Variants in PLCE1 observed in about 807,000 individuals in gnomAD.
The protein encoded by PLCE1 is 1-phosphatidylinositol 4,5-bisphosphate phosphodiesterase epsilon-1.
A neutral mutation model predicts 242.8 loss-of-function variants in PLCE1; 119 were observed. The observed-to-expected ratio is 0.49, with a 90% CI of 0.42 to 0.57. The LOEUF (loss-of-function observed/expected upper bound fraction) is 0.57, where lower values mean the gene tolerates loss of function less well. PLCE1 is among the 20% of genes least tolerant of loss of function. PLCE1 has a pLI of 0.00. For missense variants in PLCE1, 2,441 were observed against 2,788.8 expected (o/e 0.88, Z 2.81); for synonymous variants, 945 against 1,017.4 (o/e 0.93, Z 1.35).
intron 23 of PLCE1, among the ~76,000 whole-genome samples, chr10:94,297,674 G>A (rs1266789151): frequency 7.2e-6 from 1 of 138,538 alleles, no homozygotes; most frequent in African/African-American, 2.6e-5. Context: ...ATAAAACAAG[G>A]TATGCCTGTA....
At chr10:94,296,365 CAAAAAAA>C (rs35526010) in intron 23 of PLCE1, among the ~76,000 whole-genome samples, 1 of 89,314 alleles carries the variant, frequency 1.1e-5, no homozygotes, top group Non-Finnish European at 2.2e-5. Flanking sequence ...GACTCCATCT[CAAAAAAA>C]AAAAAAAAAA....
intron 5 of PLCE1, among the ~76,000 whole-genome samples, chr10:94,232,352 C>T (rs577416772): frequency 1.3e-5 from 2 of 152,302 alleles, no homozygotes; most frequent in African/African-American, 4.8e-5. Flanking sequence ...CGTTTCACAA[C>T]CCAACCAGTC....
At chr10:94,089,224 A>C in intron 2 of PLCE1, 1 of 1,614,086 alleles carries the variant, frequency 6.2e-7, no homozygotes, top group Non-Finnish European at 8.5e-7. Context: ...CCTCTTAGGC[A>C]GAGAGCCCCA....
chr10:94,161,981 C>T (rs1325902424), intron 3 of PLCE1, among the ~76,000 whole-genome samples: 1 of 152,110 alleles, frequency 6.6e-6, no homozygotes, highest in Non-Finnish European at 1.5e-5. Context: ...TATGTTGAAC[C>T]AGCCTTGCAT....
intron 30 of PLCE1, among the ~76,000 whole-genome samples, chr10:94,323,205 C>T (rs564854185): frequency 3.3e-5 from 5 of 152,296 alleles, no homozygotes; most frequent in Admixed American, 3.3e-4. Flanking sequence ...CTCTAAATCA[C>T]GCTTCTCTGA....
At position 94,306,417 on chromosome 10, in the gene PLCE1, C is replaced by T; in HGVS notation, c.5623-10C>T. ...GGTGACTTTGATCCCTTTTGTCTCCCTCACCCTAGATTGTCTCTGGTCAGA... is the reference window on the plus strand; with the variant it reads ...GGTGACTTTGATCCCTTTTGTCTCCTTCACCCTAGATTGTCTCTGGTCAGA... On this transcript the variant is annotated splice_polypyrimidine_tract_variant and intron_variant, in intron 25 of 32. Transcript: ENST00000371380. This position sits in a 1 kb window ranked among gnomAD's most constrained non-coding sequence, Gnocchi z 5.7. 6.2e-7 allele frequency: 1 copy of T among 1,614,074 alleles called. No homozygotes were observed. Among genetic ancestry groups the T allele is most frequent in the Non-Finnish European group, 8.5e-7 (1 of 1,179,984 alleles).
chr10:94,017,382 A>G (rs2061301423), intron 1 of PLCE1, among the ~76,000 whole-genome samples: 2 of 152,160 alleles, frequency 1.3e-5, no homozygotes, highest in South Asian at 4.1e-4. Flanking sequence ...TGGATGATGA[A>G]TTCTCAGTGG....
chr10:94,157,574 C>T (rs979693957), intron 3 of PLCE1, among the ~76,000 whole-genome samples: 1 of 152,214 alleles, frequency 6.6e-6, no homozygotes, highest in Non-Finnish European at 1.5e-5. Context: ...AGTATGGAGG[C>T]AGTGCCCTGG....
At chr10:94,319,862 C>CTT (rs1564894048) in intron 29 of PLCE1, among the ~76,000 whole-genome samples, 2 of 86,198 alleles carry the variant, frequency 2.3e-5, no homozygotes, top group Non-Finnish European at 5.2e-5. Flanking sequence ...CTCAAAGGTG[C>CTT]TCTTTTTTTT....
chr10:93,997,507 G>T (rs2060847830), intron 1 of PLCE1, among the ~76,000 whole-genome samples: 1 of 152,122 alleles, frequency 6.6e-6, no homozygotes, highest in Non-Finnish European at 1.5e-5. Flanking sequence ...TTTGCATAAA[G>T]TCACAGCAAG....
intron 2 of PLCE1, among the ~76,000 whole-genome samples, chr10:94,063,615 C>T (rs558943180): frequency 5.1e-4 from 78 of 152,312 alleles, no homozygotes; most frequent in Non-Finnish European, 9.3e-4. Context: ...TGTAGAGATG[C>T]TAGGTGTGGC....
chr10:94,301,685 C>A (rs2053043681), intron 24 of PLCE1, among the ~76,000 whole-genome samples: 1 of 151,908 alleles, frequency 6.6e-6, no homozygotes, highest in South Asian at 2.1e-4. Context: ...AGGAGTTTCC[C>A]AGATCAACAC....
rs368454336 is a variant in PLCE1 at position 94,293,726 on chromosome 10, T to C, written c.5167+87T>C. Reference sequence around the variant, plus strand: ...TACTGTCTAAGCACTTCCCTTGAATTTTTTAATTCTTTTTCCTGAACATTA... The same window carrying C: ...TACTGTCTAAGCACTTCCCTTGAATCTTTTAATTCTTTTTCCTGAACATTA... On this transcript the variant is annotated intron_variant, in intron 23 of 32. Coordinates refer to ENST00000371380, the MANE Select transcript of PLCE1 (RefSeq NM_016341.4). 6 of 1,413,296 alleles carry C rather than the reference T, an allele frequency of 4.2e-6. No individual in the cohort carries two copies. The East Asian group carries it at 7.1e-5, about 17-fold the overall frequency. The allele number at this position is 1,413,296 out of a possible 1,614,324, so 87.5% of individuals were successfully genotyped here.
chr10:94,110,816 T>C (rs771738843), intron 2 of PLCE1, among the ~76,000 whole-genome samples: 3 of 152,190 alleles, frequency 2.0e-5, no homozygotes, highest in Non-Finnish European at 4.4e-5. Context: ...CTTGATTTGG[T>C]TTGTAGTGCT....
intron 22 of PLCE1, among the ~76,000 whole-genome samples, chr10:94,292,146 T>A (rs1473747123): frequency 6.6e-6 from 1 of 152,204 alleles, no homozygotes; most frequent in East Asian, 1.9e-4. Flanking sequence ...AACTCAATAG[T>A]CTAAGTTTGT....
intron 26 of PLCE1, among the ~76,000 whole-genome samples, 190 bp from the exon 27 acceptor site, chr10:94,308,391 G>C (rs1365325831): frequency 6.6e-6 from 1 of 152,160 alleles, no homozygotes; most frequent in Non-Finnish European, 1.5e-5. Flanking sequence ...ACAGTACTTG[G>C]ACAAATTAAT....
intron 3 of PLCE1, among the ~76,000 whole-genome samples, chr10:94,144,374 C>A (rs1260942268): frequency 6.6e-6 from 1 of 152,110 alleles, no homozygotes; most frequent in East Asian, 1.9e-4. Flanking sequence ...AATGGAGGTT[C>A]ATTTGACTAC....
At chr10:94,315,552 T>C (rs1426813600) in intron 28 of PLCE1, 2 of 454,104 alleles carry the variant, frequency 4.4e-6, no homozygotes, top group Non-Finnish European at 8.8e-6. Flanking sequence ...GCAGATCACT[T>C]GAGGTCAGGA....
In PLCE1 at chr10:94,321,939, G is replaced by A. The variant is rs778949080; in HGVS notation, c.6381G>A (p.Glu2127=). 19 of 1,613,774 alleles carry A rather than the reference G, an allele frequency of 1.2e-5. No individual in the cohort carries two copies. The highest frequency in any genetic ancestry group is 5.0e-5 in the Admixed American group (3 of 60,014). Residue 2127 remains glutamate, a synonymous_variant, in exon 30 of 33, where the codon GAG becomes GAA. Transcript: ENST00000371380. ...EEKNIVQDDK[E]VILSSEEESF... ...AAAACATTGTTCAAGATGACAAAGA[G>A]GTGATCTTGAGCTCAGAGGAGGAGA...
Sources: gnomAD v4.1 joint callset for allele counts (sites outside exome capture counted in the v4.1 genomes callset) on GRCh38, gnomAD v4.1.1 for gene constraint, Gnocchi (gnomAD v3.1) non-coding constraint, MANE v1.5 for transcripts, NCBI Gene and HGNC (gene_info 2026-07-23, HGNC 2026-07-21) for gene names.